The following PCDHA9 variants were observed in gnomAD, a reference collection of about 807,000 sequenced individuals.
PCDHA9 encodes the protein protocadherin alpha-9.
Under a neutral mutation model 62.0 loss-of-function variants are expected in PCDHA9, and 62 were observed. That is an observed-to-expected ratio of 1.00 (90% CI 0.81 to 1.23). PCDHA9 has a LOEUF of 1.23. Ranked by LOEUF, PCDHA9 falls within the 50% of genes most tolerant of loss-of-function variation. The pLI is 0.00. For synonymous variants in PCDHA9, 557 were observed against 567.6 expected, an observed-to-expected ratio of 0.98 and a Z score of 0.27; for missense variants, 1,205 against 1,249.8, an observed-to-expected ratio of 0.96 and a Z score of 0.54.
chr5:140,999,027 T>A (rs2097843534), intron 3 of PCDHA9, among the ~76,000 whole-genome samples: 1 of 152,262 alleles, frequency 6.6e-6, no homozygotes, highest in Admixed American at 6.5e-5. Flanking sequence ...AGACTTTTGA[T>A]ACTTCGTCCA....
At chr5:140,917,650 T>C (rs897307157) in intron 1 of PCDHA9, among the ~76,000 whole-genome samples, 1 of 152,226 alleles carries the variant, frequency 6.6e-6, no homozygotes. Context: ...CCAGCAATAT[T>C]GAGTAGGAAG....
chr5:140,858,159 C>T lies in PCDHA9; in HGVS notation c.2394+7270C>T, dbSNP rs782574934. The T allele has an allele frequency of 3.8e-6, 6 of 1,597,644 alleles. No homozygotes were observed. In the Admixed American group the frequency reaches 5.1e-5, roughly 13 times the overall value. On this transcript the variant is annotated intron_variant, in intron 1 of 3. Coordinates refer to ENST00000532602, the MANE Select transcript of PCDHA9 (RefSeq NM_031857.2). ...GTGTACCTGATCATCGCCATCTGCG[C>T]GGTGTCCAGCTTGCTGGTGCTCACG...
At chr5:140,991,183 A>G (rs3776108) in intron 3 of PCDHA9, among the ~76,000 whole-genome samples, 7,613 of 152,310 alleles carry the variant, frequency 0.05, 238 homozygotes, top group South Asian at 0.11. Flanking sequence ...CAGGATGCCT[A>G]GCACACAATG....
At position 141,010,190 on chromosome 5, in the gene PCDHA9, CCTTT is replaced by C. The variant is rs763940360; in HGVS notation, c.*256_*259del. On this transcript the variant is annotated 3_prime_UTR_variant, in exon 4 of 4. Coordinates refer to ENST00000532602, the MANE Select transcript of PCDHA9 (RefSeq NM_031857.2). ...GAACCTAAAAAGCAGACCCAAGTTT[CCTTT>C]CTCCTCCGCCGCAAAGGAGAGGCTT... 6.4e-7 allele frequency: 1 copy of C among 1,552,504 alleles called. No individual in the cohort carries two copies. Among genetic ancestry groups the C allele is most frequent in the Non-Finnish European group, 8.7e-7 (1 of 1,147,234 alleles).
chr5:140,880,821 G>A (rs1054552020), intron 1 of PCDHA9, among the ~76,000 whole-genome samples: 4 of 152,206 alleles, frequency 2.6e-5, no homozygotes, highest in African/African-American at 7.2e-5. Flanking sequence ...AGAGTGTCTG[G>A]AAGGGCATAT....
At chr5:140,969,464 C>T in intron 1 of PCDHA9, 2 of 1,491,562 alleles carry the variant, frequency 1.3e-6, no homozygotes, top group South Asian at 2.7e-5. Context: ...ATATAGTATC[C>T]ACAATTTGAT....
At chr5:140,964,677 A>G (rs578237071) in intron 1 of PCDHA9, among the ~76,000 whole-genome samples, 11 of 152,090 alleles carry the variant, frequency 7.2e-5, no homozygotes, top group Non-Finnish European at 1.0e-4. Flanking sequence ...CAGGTCCACA[A>G]TTTGTGCACT....
At chr5:140,937,769 G>C (rs908179495) in intron 1 of PCDHA9, among the ~76,000 whole-genome samples, 1 of 151,776 alleles carries the variant, frequency 6.6e-6, no homozygotes, top group Non-Finnish European at 1.5e-5. Context: ...AAAATTAGTC[G>C]GGCGTGGTGG....
chr5:140,876,754 C>T, intron 1 of PCDHA9: 2 of 1,614,210 alleles, frequency 1.2e-6, no homozygotes, highest in Non-Finnish European at 1.7e-6. Context: ...GGTGACTGCG[C>T]GGGATGGGGG....
rs567582281 is a variant in PCDHA9 at position 140,946,595 on chromosome 5, G to C, written c.2395-32354G>C. ...CTTAGGTGTTCATAGTGGATGAATA[G>C]ATAAAGAAAATGTGAAATATATATA... On this transcript the variant is annotated intron_variant, in intron 1 of 3. Transcript: ENST00000532602. Among the ~76,000 whole-genome samples, 13 of 108,580 alleles carry C rather than the reference G, an allele frequency of 1.2e-4. No homozygotes were observed. In the South Asian group the frequency reaches 1.5e-3, roughly 12 times the overall value. 71.2% of individuals were successfully genotyped at this position (108,580 alleles called of 152,430 possible).
chr5:140,851,315 T>G lies in PCDHA9; in HGVS notation c.2394+426T>G. ...GCAAAAATATATAGCAATTGTTACC[T>G]TGTTAAGTTTGTAGTTCTCTACATT... On this transcript the variant is annotated intron_variant, in intron 1 of 3. Coordinates refer to ENST00000532602, the MANE Select transcript of PCDHA9 (RefSeq NM_031857.2). 7.1e-6 allele frequency: 7 copies of G among 992,586 alleles called. 1 individual carries two copies. The highest frequency in any genetic ancestry group is 8.6e-6 in the Non-Finnish European group (7 of 809,654). 61.5% of individuals were successfully genotyped at this position (992,586 alleles called of 1,614,324 possible).
intron 3 of PCDHA9, among the ~76,000 whole-genome samples, chr5:140,991,325 G>C (rs899183687): frequency 3.3e-5 from 5 of 152,184 alleles, no homozygotes; most frequent in Non-Finnish European, 5.9e-5. Flanking sequence ...GATACATGAA[G>C]GGAATAGCTT....
chr5:140,914,590 T>C (rs886666163), intron 1 of PCDHA9, among the ~76,000 whole-genome samples: 1 of 152,208 alleles, frequency 6.6e-6, no homozygotes, highest in African/African-American at 2.4e-5. Flanking sequence ...TTCATTTAAG[T>C]AGGAACTTCC....
intron 1 of PCDHA9, among the ~76,000 whole-genome samples, chr5:140,919,051 T>G (rs1443609855): frequency 1.3e-5 from 2 of 152,238 alleles, no homozygotes; most frequent in Non-Finnish European, 2.9e-5. Flanking sequence ...TTATTGGAAG[T>G]GGAGTATTAA....
intron 1 of PCDHA9, chr5:140,856,834 G>T (rs2044233104): frequency 6.3e-7 from 1 of 1,591,808 alleles, no homozygotes; most frequent in Non-Finnish European, 8.6e-7. Context: ...TAGTAATACG[G>T]CTCAACGCTT....
At chr5:140,975,313 T>C (rs2096662091) in intron 1 of PCDHA9, among the ~76,000 whole-genome samples, 1 of 152,224 alleles carries the variant, frequency 6.6e-6, no homozygotes, top group African/African-American at 2.4e-5. Flanking sequence ...TGTGATTATG[T>C]CAGTCCCATC....
intron 1 of PCDHA9, chr5:140,869,313 A>T: frequency 6.2e-7 from 1 of 1,613,736 alleles, no homozygotes. Context: ...CGTCCAAAAC[A>T]CATGGGGACC....
At position 140,849,017 on chromosome 5, in the gene PCDHA9, C is replaced by G; in HGVS notation, c.522C>G (p.Pro174=). ...ENALLTYRLS[P]NEYFFLDVPT... is the part of the protein sequence containing the mutation. ...CCCTGCTCACTTACAGACTGAGCCC[C>G]AATGAGTATTTCTTCCTGGACGTGC... Residue 174 remains proline (P), a synonymous_variant, in exon 1 of 4, where the codon CCC becomes CCG. Coordinates refer to ENST00000532602, the MANE Select transcript of PCDHA9 (RefSeq NM_031857.2). The G allele has an allele frequency of 6.3e-7, 1 of 1,588,278 alleles. No homozygotes were observed. Among genetic ancestry groups the G allele is most frequent in the Non-Finnish European group, 8.6e-7 (1 of 1,164,186 alleles).
intron 1 of PCDHA9, chr5:140,884,197 G>A (rs146010500): frequency 3.1e-6 from 5 of 1,613,234 alleles, no homozygotes; most frequent in Non-Finnish European, 4.2e-6. Context: ...TGGACGCGCC[G>A]CACCACCGCC....
Sources: allele counts gnomAD v4.1 joint callset (sites outside exome capture counted in the v4.1 genomes callset), GRCh38; gene constraint gnomAD v4.1.1; transcripts MANE v1.5; gene names NCBI Gene and HGNC (gene_info 2026-07-23, HGNC 2026-07-21).